The following TBRG4 variants were observed in gnomAD, a reference collection of about 807,000 sequenced individuals.
TBRG4 encodes transforming growth factor beta regulator 4.
Under a neutral mutation model 65.6 loss-of-function variants are expected in TBRG4, and 43 were observed. That is an observed-to-expected ratio of 0.66 (90% confidence interval 0.51 to 0.85). TBRG4 has a LOEUF of 0.85. Among genes scored for constraint, TBRG4 ranks in the 40% least tolerant of loss-of-function variants. The pLI, the probability that TBRG4 is intolerant of heterozygous loss-of-function variation, is 0.00. For missense variants in TBRG4, 709 were observed against 787.9 expected (o/e 0.90, Z 1.20); for synonymous variants, 366 against 341.4 (o/e 1.07, Z -0.79).
chr7:45,100,364 G>C lies in TBRG4; in HGVS notation c.1857C>G (p.Asp619Glu), dbSNP rs1002083237. The change falls in exon 11 of 11, where the codon GAC becomes GAG. Residue 619 changes from aspartate (D) to glutamate (E), a missense_variant. Asp to Glu is a conservative substitution (Grantham distance 45). Coordinates refer to ENST00000258770, the MANE Select transcript of TBRG4 (RefSeq NM_004749.4). ...CCTCAGCCACCGCTTTGCGCATCTT[G>C]TCCTTGAGGTAGGCGCCTTTCTGCC... ...SEWQKGAYLKDKMRKAVAEEL... is the reference protein window; with the variant it reads ...SEWQKGAYLKEKMRKAVAEEL... The C allele has an allele frequency of 1.2e-6, 2 of 1,614,196 alleles. No individual in the cohort carries two copies. Among genetic ancestry groups the C allele is most frequent in the Non-Finnish European group, 8.5e-7 (1 of 1,180,038 alleles).
intron 4 of TBRG4, 92 bp downstream of exon 4, chr7:45,104,446 C>G: frequency 6.2e-7 from 1 of 1,600,114 alleles, no homozygotes; most frequent in South Asian, 1.1e-5. Flanking sequence ...CAGTGCCTAC[C>G]ATGCATAGGA....
chr7:45,101,921 G>C lies in TBRG4; in HGVS notation c.1471C>G (p.Pro491Ala). 6.2e-7 allele frequency: 1 copy of C among 1,610,894 alleles called. No homozygotes were observed. Among genetic ancestry groups the C allele is most frequent in the Non-Finnish European group, 8.5e-7 (1 of 1,178,978 alleles). ...GPSALDRKVT[P>A]LQKELQETLK... ...GTCTCCTGCAGCTCCTTTTGCAGGGGGGTCACCTTCCTGTCAAGGGCTGAG... is the reference window on the plus strand; with the variant it reads ...GTCTCCTGCAGCTCCTTTTGCAGGGCGGTCACCTTCCTGTCAAGGGCTGAG... The change falls in exon 8 of 11, where the codon CCC becomes GCC. Residue 491 changes from proline (P) to alanine (A), a missense_variant. By Grantham distance (27) the Pro-to-Ala change is conservative. Transcript: ENST00000258770.
Position 45,102,341 on chromosome 7 carries a change from G to C in TBRG4, c.1321+6C>G, listed in dbSNP as rs765474750. Reference sequence around the variant, plus strand: ...GTTCCAGTAGTACTAGGGGCAGGGGGCTCACCTAGAAATTGGATGTGAAAT... The same window carrying C: ...GTTCCAGTAGTACTAGGGGCAGGGGCCTCACCTAGAAATTGGATGTGAAAT... On this transcript the variant is annotated splice_donor_region_variant and intron_variant, in intron 7 of 10. Coordinates refer to ENST00000258770, the MANE Select transcript of TBRG4 (RefSeq NM_004749.4). 6 of 1,614,088 alleles carry C rather than the reference G, an allele frequency of 3.7e-6. No homozygotes were observed. In the South Asian group the frequency reaches 6.6e-5, roughly 18 times the overall value.
chr7:45,106,003 A>G lies in TBRG4; in HGVS notation c.412-239T>C, dbSNP rs765650824. On this transcript the variant is annotated intron_variant, in intron 2 of 10. Coordinates refer to ENST00000258770, the MANE Select transcript of TBRG4 (RefSeq NM_004749.4). The stretch of plus-strand genomic sequence containing the variant: ...AACCAAATTTATCCCTGAGCCTGGG[A>G]CACAGTAACAGGGCCTGTGAGTCAC... The G allele has an allele frequency of 8.3e-6, 6 of 725,142 alleles. No homozygotes were observed. The Admixed American group carries it at 1.0e-4, about 13-fold the overall frequency. The allele number at this position is 725,142 out of a possible 1,614,324, so 44.9% of individuals were successfully genotyped here.
Position 45,111,671 on chromosome 7 carries a change from C to A in TBRG4, c.-79G>T. 1 of 1,289,468 alleles carries A rather than the reference C, an allele frequency of 7.8e-7. No individual in the cohort carries two copies. 79.9% of individuals were successfully genotyped at this position (1,289,468 alleles called of 1,614,324 possible). On this transcript the variant is annotated 5_prime_UTR_variant, in exon 1 of 11. Coordinates refer to ENST00000258770, the MANE Select transcript of TBRG4 (RefSeq NM_004749.4). ...GCGAGCACCACCGCTGACCTCCATC[C>A]GCCGCCCTAACTGTCCCCGGAACCA...
At chr7:45,111,503 A>T (rs1478609891) in intron 1 of TBRG4, 140 bp downstream of exon 1, 1 of 1,042,882 alleles carries the variant, frequency 9.6e-7, no homozygotes, top group Non-Finnish European at 1.3e-6. Context: ...GAACGAGCAG[A>T]CGGCCAGGCC....
In TBRG4 at chr7:45,101,511, C is replaced by T; in HGVS notation, c.1671G>A (p.Gly557=). The T allele has an allele frequency of 6.2e-7, 1 of 1,613,432 alleles. No homozygotes were observed. Among genetic ancestry groups the T allele is most frequent in the Non-Finnish European group, 8.5e-7 (1 of 1,179,764 alleles). The change falls in exon 9 of 11, where the codon GGG becomes GGA. Residue 557 remains glycine, a synonymous_variant. Coordinates refer to ENST00000258770, the MANE Select transcript of TBRG4 (RefSeq NM_004749.4). The part of the protein sequence containing the change: ...QPTGSQSPPP[G]SKRLAFLRWE... ...GGTCCCTGGCCACCTACCTCTTAGA[C>T]CCTGGAGGTGGTGACTGGCTCCCAG...
chr7:45,110,889 A>C (rs906218093), intron 1 of TBRG4: 2 of 152,186 alleles, frequency 1.3e-5, no homozygotes, highest in African/African-American at 4.8e-5. Context: ...TTAAAGAAAA[A>C]AAAAAAGAGA....
In TBRG4 at chr7:45,109,085, T is replaced by C. The variant is rs199749762; in HGVS notation, c.153A>G (p.Pro51=). Residue 51 remains proline, a synonymous_variant, in exon 2 of 11, where the codon CCA becomes CCG. Coordinates refer to ENST00000258770, the MANE Select transcript of TBRG4 (RefSeq NM_004749.4). ...TCTCCACCGGCTCCATCAAGGAACC[T>C]GGGAGGTGGGAAATGGGTGAGGTGG... ...SSATSPISHL[P]GSLMEPVEKE... The C allele has an allele frequency of 1.1e-4, 178 of 1,614,106 alleles. No individual in the cohort carries two copies. The highest frequency in any genetic ancestry group is 2.9e-4 in the South Asian group (26 of 91,080).
chr7:45,103,378 C>G lies in TBRG4; in HGVS notation c.1131G>C (p.Ala377=). Residue 377 remains alanine (A), a synonymous_variant, in exon 6 of 11, where the codon GCG becomes GCC. Coordinates refer to ENST00000258770, the MANE Select transcript of TBRG4 (RefSeq NM_004749.4). The part of the protein sequence containing the change: ...PHLCSVLLAF[A]RLNFHPDQED... Reference sequence around the variant, plus strand: ...CTTGGTCTGGATGGAAGTTCAGACGCGCAAAAGCCAGAAGTACGCTGCACA... The same window carrying G: ...CTTGGTCTGGATGGAAGTTCAGACGGGCAAAAGCCAGAAGTACGCTGCACA... 3 of 1,613,998 alleles carry G rather than the reference C, an allele frequency of 1.9e-6. No individual in the cohort carries two copies. Among genetic ancestry groups the G allele is most frequent in the Non-Finnish European group, 2.5e-6 (3 of 1,179,930 alleles).
rs1042969 is a variant in TBRG4, at chr7:45,101,900, C to T, written c.1492G>A (p.Glu498Lys). The T allele has an allele frequency of 6.2e-7, 1 of 1,611,374 alleles. No homozygotes were observed. The highest frequency in any genetic ancestry group is 2.2e-5 in the East Asian group (1 of 44,856). Residue 498 changes from glutamate (E) to lysine (K), a missense_variant, in exon 8 of 11, where the codon GAG becomes AAG. Coordinates refer to ENST00000258770, the MANE Select transcript of TBRG4 (RefSeq NM_004749.4). ...CTCCCCAGCAGCCCCTTCAGCGTCT[C>T]CTGCAGCTCCTTTTGCAGGGGGGTC... is the stretch of plus-strand genomic sequence containing the variant. ...KVTPLQKELQ[E>K]TLKGLLGSAD...
At chr7:45,111,469 C>T in intron 1 of TBRG4, 174 bp downstream of exon 1, 1 of 713,814 alleles carries the variant, frequency 1.4e-6, no homozygotes, top group Non-Finnish European at 2.0e-6. Flanking sequence ...AGAGAGGAAG[C>T]GTGCGCACTG....
chr7:45,106,078 C>A (rs1402964112), intron 2 of TBRG4: 1 of 607,082 alleles, frequency 1.6e-6, no homozygotes, highest in East Asian at 3.8e-5. Context: ...ACAGGGCAGG[C>A]ACTGAATTTG....
Position 45,105,639 on chromosome 7 carries a change from G to C in TBRG4, c.537C>G (p.Leu179=). The change falls in exon 3 of 11, where the codon CTC becomes CTG. Residue 179 remains leucine (L), a synonymous_variant. Coordinates refer to ENST00000258770, the MANE Select transcript of TBRG4 (RefSeq NM_004749.4). ...CCAGGAAGGCCAGGTGCTTGTACTT[G>C]AGCTTCCGCATGCGCCAGCGGACCT... The part of the protein sequence containing the change: ...EQEVRWRMRK[L]KYKHLAFLAE... 6.2e-7 allele frequency: 1 copy of C among 1,614,108 alleles called. No homozygotes were observed. Among genetic ancestry groups the C allele is most frequent in the Non-Finnish European group, 8.5e-7 (1 of 1,180,038 alleles).
At chr7:45,103,060 A>G (rs1280724035) in intron 6 of TBRG4, 2 of 509,348 alleles carry the variant, frequency 3.9e-6, no homozygotes, top group Non-Finnish European at 7.2e-6. Flanking sequence ...GGCCCACTGG[A>G]GCTTCTGAGC....
Position 45,100,182 on chromosome 7 carries a change from G to T in TBRG4, c.*143C>A, listed in dbSNP as rs964340597. 1.6e-6 allele frequency: 1 copy of T among 633,506 alleles called. No individual in the cohort carries two copies. Among genetic ancestry groups the T allele is most frequent in the East Asian group, 2.8e-5 (1 of 35,800 alleles). 39.2% of individuals were successfully genotyped at this position (633,506 alleles called of 1,614,324 possible). A position where few individuals can be genotyped will look rare whatever the true frequency, so the allele number is the denominator to read the frequency against. On this transcript the variant is annotated 3_prime_UTR_variant, in exon 11 of 11. Transcript: ENST00000258770. ...AAAGGTTTATTATACACAAGAGGACGTTCTGTCCCTCAGAGTGGCTGGCCA... is the reference window on the plus strand; with the variant it reads ...AAAGGTTTATTATACACAAGAGGACTTTCTGTCCCTCAGAGTGGCTGGCCA...
Position 45,111,662 on chromosome 7 carries a change from A to T in TBRG4, c.-70T>A. The T allele has an allele frequency of 3.1e-6, 4 of 1,289,046 alleles. No homozygotes were observed. The highest frequency in any genetic ancestry group is 4.0e-6 in the Non-Finnish European group (4 of 988,796). 79.9% of individuals were successfully genotyped at this position (1,289,046 alleles called of 1,614,324 possible). ...ACCTACGCAGCGAGCACCACCGCTG[A>T]CCTCCATCCGCCGCCCTAACTGTCC... is the stretch of plus-strand genomic sequence containing the variant. On this transcript the variant is annotated 5_prime_UTR_variant, in exon 1 of 11. Coordinates refer to ENST00000258770, the MANE Select transcript of TBRG4 (RefSeq NM_004749.4).
At chr7:45,111,476 A>T (rs1785123605) in intron 1 of TBRG4, 167 bp downstream of exon 1, 17 of 796,812 alleles carry the variant, frequency 2.1e-5, no homozygotes, top group Non-Finnish European at 3.0e-5. Context: ...AAGCGTGCGC[A>T]CTGGCAAGCC....
intron 5 of TBRG4, chr7:45,103,751 G>A (rs1000584871): frequency 1.9e-6 from 1 of 516,420 alleles, no homozygotes; most frequent in Non-Finnish European, 3.5e-6. Context: ...CGTAACTGCA[G>A]GTGTCATCTT....
Sources: gnomAD v4.1 joint callset for allele counts on GRCh38, gnomAD v4.1.1 for gene constraint, MANE v1.5 for transcripts, NCBI Gene and HGNC (gene_info 2026-07-23, HGNC 2026-07-21) for gene names.